Variants in CABIN1 observed in about 807,000 individuals in gnomAD.
The protein encoded by CABIN1 is calcineurin-binding protein cabin-1.
CABIN1 carries 133 observed loss-of-function variants against 227.7 expected under a neutral mutation model. The ratio of observed to expected loss-of-function variants is 0.58; its 90% CI spans 0.51 to 0.67. The LOEUF (loss-of-function observed/expected upper bound fraction) is 0.67, where lower values mean the gene tolerates loss of function less well. Among genes scored for constraint, CABIN1 ranks in the 30% least tolerant of loss-of-function variants. CABIN1 has a pLI of 0.00. For synonymous variants in CABIN1, 1,086 were observed against 1,155.1 expected (o/e 0.94, Z 1.21); for missense variants, 2,408 against 2,852.5 (o/e 0.84, Z 3.55).
At chr22:24,151,569 G>C (rs543482399) in intron 29 of CABIN1, among the ~76,000 whole-genome samples, 1 of 152,210 alleles carries the variant, frequency 6.6e-6, no homozygotes, top group Non-Finnish European at 1.5e-5. Flanking sequence ...GGCTATTCTA[G>C]AAGCCTGGGC....
intron 17 of CABIN1, 32 bp downstream of exon 17, chr22:24,071,074 C>T: frequency 1.9e-6 from 3 of 1,614,022 alleles, no homozygotes; most frequent in Non-Finnish European, 2.5e-6. Flanking sequence ...CCCTGCCCTG[C>T]CCCAGCAGGT....
rs1474263845 is a variant in CABIN1 at position 24,176,144 on chromosome 22, C to T, written c.6074C>T (p.Thr2025Ile). 2 of 1,610,710 alleles carry T rather than the reference C, an allele frequency of 1.2e-6. No individual in the cohort carries two copies. Among genetic ancestry groups the T allele is most frequent in the East Asian group, 4.5e-5 (2 of 44,800 alleles). ...GEELARVAEG[T>I]SFPPQEPRHS... ...GAGCTGGCGAGAGTGGCAGAGGGCA[C>T]CAGCTTCCCGCCTCAGGAGCCACGG... The change falls in exon 35 of 37, where the codon ACC becomes ATC. Residue 2025 changes from threonine (T) to isoleucine (I), a missense_variant. Around this residue, in one of 3 missense-constraint regions of CABIN1, gnomAD observed 714 missense variants for 773.8 expected, o/e 0.92. Coordinates refer to ENST00000263119, the MANE Select transcript of CABIN1 (RefSeq NM_012295.4).
At chr22:24,144,545 A>G (rs1003356413) in intron 29 of CABIN1, among the ~76,000 whole-genome samples, 22 of 152,274 alleles carry the variant, frequency 1.4e-4, no homozygotes, top group South Asian at 2.1e-4. Flanking sequence ...CAGAGCTCAC[A>G]GTGTCTTTTG....
At chr22:24,087,750 T>G (rs1464380728) in intron 23 of CABIN1, 37 bp downstream of exon 23, 14 of 1,611,846 alleles carry the variant, frequency 8.7e-6, no homozygotes, top group Non-Finnish European at 1.2e-5. Context: ...TTGCCATCCT[T>G]CTGTCCAGAC....
intron 29 of CABIN1, among the ~76,000 whole-genome samples, chr22:24,147,728 G>A (rs1246225004): frequency 6.6e-6 from 1 of 152,114 alleles, no homozygotes; most frequent in Non-Finnish European, 1.5e-5. Flanking sequence ...ACAGGCATGA[G>A]CCAGTGTGCC....
chr22:24,025,091 C>A (rs1195600782), intron 1 of CABIN1, among the ~76,000 whole-genome samples: 2 of 151,852 alleles, frequency 1.3e-5, no homozygotes, highest in African/African-American at 4.8e-5. Flanking sequence ...TTTCTTTTTT[C>A]TTTGTATTCT....
chr22:24,045,115 A>G (rs531545842), intron 6 of CABIN1, among the ~76,000 whole-genome samples: 83 of 152,232 alleles, frequency 5.5e-4, no homozygotes, highest in South Asian at 1.5e-3. Context: ...TAGTAGAGAC[A>G]GGGTTTCACC....
chr22:24,035,793 G>T (rs1229685627), intron 2 of CABIN1, among the ~76,000 whole-genome samples: 1 of 152,070 alleles, frequency 6.6e-6, no homozygotes, highest in Non-Finnish European at 1.5e-5. Flanking sequence ...CTACTGTGTT[G>T]AGCTGTTGCT....
At chr22:24,142,874 A>T (rs982060646) in intron 29 of CABIN1, among the ~76,000 whole-genome samples, 2 of 151,408 alleles carry the variant, frequency 1.3e-5, no homozygotes, top group Admixed American at 1.3e-4. Context: ...TAATAGCCTC[A>T]CTCCTTCCCC....
At chr22:24,144,455 G>T (rs1409094813) in intron 29 of CABIN1, among the ~76,000 whole-genome samples, 1 of 152,220 alleles carries the variant, frequency 6.6e-6, no homozygotes, top group Non-Finnish European at 1.5e-5. Flanking sequence ...CCATTAGAGA[G>T]GCCCACTCTC....
Position 24,176,184 on chromosome 22 carries a change from G to A in CABIN1, c.6114G>A (p.Val2038=). 1 of 1,611,248 alleles carries A rather than the reference G, an allele frequency of 6.2e-7. No individual in the cohort carries two copies. Among genetic ancestry groups the A allele is most frequent in the Non-Finnish European group, 8.5e-7 (1 of 1,179,328 alleles). ...PPQEPRHSPQ[V]KMAPTSSPAE... is the part of the protein sequence containing the mutation. The stretch of plus-strand genomic sequence containing the variant: ...AGGAGCCACGGCACAGTCCGCAGGT[G>A]AAGATGGCCCCCACAAGTTCCCCGG... The change falls in exon 35 of 37, where the codon GTG becomes GTA. Residue 2038 remains valine, a synonymous_variant. Transcript: ENST00000263119.
Position 24,167,383 on chromosome 22 carries a change from C to T in CABIN1, c.5682+70C>T, listed in dbSNP as rs1220573001. The stretch of plus-strand genomic sequence containing the variant: ...ATCCCCACTCTTGCCTTTCTATCCT[C>T]AAGGAGGGTCTCCCAGGCCTGCCCT... On this transcript the variant is annotated intron_variant, in intron 32 of 36. Coordinates refer to ENST00000263119, the MANE Select transcript of CABIN1 (RefSeq NM_012295.4). 4 of 1,475,014 alleles carry T rather than the reference C, an allele frequency of 2.7e-6. No homozygotes were observed. The African/African-American group carries it at 5.5e-5, about 20-fold the overall frequency. 91.4% of individuals were successfully genotyped at this position (1,475,014 alleles called of 1,614,324 possible).
chr22:24,113,638 C>T lies in CABIN1; in HGVS notation c.4190C>T (p.Thr1397Ile). ...ACGCAGGACTTCTTTAATGAGCCCA[C>T]CAGCTTACTGGAAGGCTCCAGGAAA... ...SSTQDFFNEP[T>I]SLLEGSRKSY... is the part of the protein sequence containing the mutation. The change falls in exon 27 of 37, where the codon ACC (threonine) becomes ATC (isoleucine). Residue 1397 changes from threonine (T) to isoleucine (I), a missense_variant. By Grantham distance (89) the Thr-to-Ile change is moderately conservative. Transcript: ENST00000263119. 1.2e-6 allele frequency: 2 copies of T among 1,614,170 alleles called. No individual in the cohort carries two copies. Among genetic ancestry groups the T allele is most frequent in the Non-Finnish European group, 1.7e-6 (2 of 1,180,036 alleles).
Position 24,092,553 on chromosome 22 carries a change from C to T in CABIN1, c.3786+710C>T, listed in dbSNP as rs567647808. ...TTGAAGCTTCTGAAGGCCCTGTGCACGTTGGCTTTGCCCTTTCTGAGGCTA... is the reference window on the plus strand; with the variant it reads ...TTGAAGCTTCTGAAGGCCCTGTGCATGTTGGCTTTGCCCTTTCTGAGGCTA... On this transcript the variant is annotated intron_variant, in intron 24 of 36. Transcript: ENST00000263119. Among the ~76,000 whole-genome samples, 10 of 152,264 alleles carry T rather than the reference C, an allele frequency of 6.6e-5. No homozygotes were observed. In the South Asian group the frequency reaches 1.9e-3, roughly 28 times the overall value.
Position 24,149,405 on chromosome 22 carries a change from C to T in CABIN1, c.4746+14990C>T, listed in dbSNP as rs981206794. Among the ~76,000 whole-genome samples the T allele has an allele frequency of 3.9e-5, 6 of 152,270 alleles. No homozygotes were observed. In the South Asian group the frequency reaches 6.2e-4, roughly 16 times the overall value. The stretch of plus-strand genomic sequence containing the variant: ...CTACCATGGGCCCCCAGGGCCTGCC[C>T]GGCACACAACACTGCCATTGTGTCC... On this transcript the variant is annotated intron_variant, in intron 29 of 36. Coordinates refer to ENST00000263119, the MANE Select transcript of CABIN1 (RefSeq NM_012295.4).
intron 27 of CABIN1, among the ~76,000 whole-genome samples, chr22:24,118,654 C>A (rs1449513519): frequency 2.6e-5 from 4 of 152,216 alleles, no homozygotes; most frequent in African/African-American, 2.4e-5. Flanking sequence ...CTGTCCCACC[C>A]TCCCGGGCCA....
intron 29 of CABIN1, among the ~76,000 whole-genome samples, chr22:24,150,736 C>T (rs1219772690): frequency 1.3e-5 from 2 of 152,176 alleles, no homozygotes; most frequent in African/African-American, 2.4e-5. Flanking sequence ...CTTCTGGCTC[C>T]GCTGGTGGAA....
At chr22:24,068,402 C>T (rs2039846252) in intron 16 of CABIN1, among the ~76,000 whole-genome samples, 1 of 152,222 alleles carries the variant, frequency 6.6e-6, no homozygotes, top group South Asian at 2.1e-4. Context: ...GGCCAGTGGT[C>T]TCTGCCTCCA....
At chr22:24,139,994 C>T (rs1420660261) in intron 29 of CABIN1, among the ~76,000 whole-genome samples, 2 of 152,220 alleles carry the variant, frequency 1.3e-5, no homozygotes, top group African/African-American at 2.4e-5. Context: ...GCCTTCATAA[C>T]GTGCTACAGG....
Sources: allele counts gnomAD v4.1 joint callset (sites outside exome capture counted in the v4.1 genomes callset), GRCh38; gene constraint gnomAD v4.1.1; regional missense constraint gnomAD v4.1.1; transcripts MANE v1.5; gene names NCBI Gene and HGNC (gene_info 2026-07-23, HGNC 2026-07-21).